The following LRRTM4 variants were observed in gnomAD, a reference collection of about 807,000 sequenced individuals.
LRRTM4 encodes the protein leucine rich repeat transmembrane neuronal 4.
A neutral mutation model predicts 47.6 loss-of-function variants in LRRTM4; 25 were observed. That is an observed-to-expected ratio of 0.53 (90% CI 0.38 to 0.73). LRRTM4 has a LOEUF of 0.73. Among genes scored for constraint, LRRTM4 ranks in the 30% least tolerant of loss-of-function variants. LRRTM4 has a pLI of 0.00. For missense variants in LRRTM4, 638 were observed against 713.4 expected (o/e 0.89, Z 1.20); for synonymous variants, 311 against 269.5 (o/e 1.15, Z -1.51).
chr2:76,979,027 T>C (rs146715300), intron 3 of LRRTM4, among the ~76,000 whole-genome samples: 175 of 152,160 alleles, frequency 1.2e-3, no homozygotes, highest in African/African-American at 4.2e-3. Flanking sequence ...AAAAGGACTT[T>C]GTTATTTTCC....
chr2:76,823,357 G>C (rs1671104823), intron 3 of LRRTM4, among the ~76,000 whole-genome samples: 1 of 151,318 alleles, frequency 6.6e-6, no homozygotes, highest in Non-Finnish European at 1.5e-5. Context: ...TAATCATGTA[G>C]AAATCATGAA....
intron 3 of LRRTM4, among the ~76,000 whole-genome samples, chr2:77,079,653 C>G (rs957212425): frequency 5.9e-5 from 9 of 152,126 alleles, no homozygotes; most frequent in African/African-American, 2.2e-4. Flanking sequence ...CTGCACATCT[C>G]AAATATTTAT....
chr2:77,117,135 T>C (rs1558588445), intron 3 of LRRTM4, among the ~76,000 whole-genome samples: 1 of 152,228 alleles, frequency 6.6e-6, no homozygotes, highest in East Asian at 1.9e-4. Context: ...CATAAGTTTA[T>C]TCCTTTTAAT....
intron 3 of LRRTM4, among the ~76,000 whole-genome samples, chr2:76,815,135 A>G (rs1670863628): frequency 6.6e-6 from 1 of 152,066 alleles, no homozygotes; most frequent in African/African-American, 2.4e-5. Context: ...GAAATAAATA[A>G]GAAAAGAAAT....
At chr2:77,472,518 C>CTT (rs553677902) in intron 3 of LRRTM4, among the ~76,000 whole-genome samples, 1 of 146,864 alleles carries the variant, frequency 6.8e-6, no homozygotes, top group African/African-American at 2.5e-5. Flanking sequence ...TGTGTGTGTT[C>CTT]TTTTTTTTTT....
At chr2:77,373,434 T>G (rs1672723067) in intron 3 of LRRTM4, among the ~76,000 whole-genome samples, 1 of 151,840 alleles carries the variant, frequency 6.6e-6, no homozygotes, top group South Asian at 2.1e-4. Context: ...GTACAAAACA[T>G]AGAATGGGGC....
intron 3 of LRRTM4, among the ~76,000 whole-genome samples, chr2:77,303,257 A>T (rs1297710428): frequency 6.6e-6 from 1 of 151,120 alleles, no homozygotes; most frequent in African/African-American, 2.5e-5. Flanking sequence ...GCGAAACTCC[A>T]TCTCAAAACA....
chr2:77,075,898 G>C (rs13430289), intron 3 of LRRTM4, among the ~76,000 whole-genome samples: 16,021 of 98,108 alleles, frequency 0.16, 1,679 homozygotes, highest in East Asian at 0.49. Flanking sequence ...CTGGGCGACA[G>C]AGCGAGACTC....
At chr2:76,939,987 T>A (rs1558750942) in intron 3 of LRRTM4, among the ~76,000 whole-genome samples, 1 of 152,026 alleles carries the variant, frequency 6.6e-6, no homozygotes, top group East Asian at 1.9e-4. Context: ...ATTCAAAAAA[T>A]AACAGATGCT....
At chr2:77,214,864 T>C (rs1674392455) in intron 3 of LRRTM4, among the ~76,000 whole-genome samples, 1 of 152,156 alleles carries the variant, frequency 6.6e-6, no homozygotes, top group South Asian at 2.1e-4. Context: ...GGCAGTTCTC[T>C]CATATTTATT....
At chr2:76,956,444 T>C (rs1190625402) in intron 3 of LRRTM4, among the ~76,000 whole-genome samples, 1 of 151,482 alleles carries the variant, frequency 6.6e-6, no homozygotes. Flanking sequence ...CCAAAACCTA[T>C]GGGATGTAGC....
intron 3 of LRRTM4, among the ~76,000 whole-genome samples, chr2:76,988,477 A>T (rs1427346363): frequency 6.6e-6 from 1 of 151,810 alleles, no homozygotes; most frequent in Non-Finnish European, 1.5e-5. Flanking sequence ...TCCAGTCTAC[A>T]CAAGAGTTTT....
chr2:76,763,449 C>T (rs1673335333), intron 3 of LRRTM4, among the ~76,000 whole-genome samples: 1 of 152,212 alleles, frequency 6.6e-6, no homozygotes. Flanking sequence ...TGTGAGCACA[C>T]AGTCTGTGGT....
chr2:77,279,293 A>G (rs1020153393), intron 3 of LRRTM4, among the ~76,000 whole-genome samples: 4 of 152,046 alleles, frequency 2.6e-5, no homozygotes, highest in Non-Finnish European at 4.4e-5. Flanking sequence ...CTTCTTTTTT[A>G]TCATGATGAT....
At chr2:77,165,841 C>G (rs1672868890) in intron 3 of LRRTM4, among the ~76,000 whole-genome samples, 1 of 152,132 alleles carries the variant, frequency 6.6e-6, no homozygotes, top group South Asian at 2.1e-4. Flanking sequence ...ATGACAAACC[C>G]ACAGCCAATA....
At chr2:76,974,184 A>G (rs1469191884) in intron 3 of LRRTM4, among the ~76,000 whole-genome samples, 1 of 100,582 alleles carries the variant, frequency 9.9e-6, no homozygotes, top group Non-Finnish European at 1.8e-5. Flanking sequence ...ATATATATAC[A>G]TACATATATA....
rs10202457 is a variant in LRRTM4, at chr2:77,060,958, A to G, written c.1552-312042T>C. Among the ~76,000 whole-genome samples, 1,113 of 152,280 alleles carry G rather than the reference A, an allele frequency of 7.3e-3. 10 individuals carry two copies. Among genetic ancestry groups the G allele is most frequent in the African/African-American group, 0.026 (1,064 of 41,560 alleles). On this transcript the variant is annotated intron_variant, in intron 3 of 3. Coordinates refer to ENST00000409884, the MANE Select transcript of LRRTM4 (RefSeq NM_001134745.3). ...CCAATTTAAGTACAGAATAAAAACAATAGCAAATTATAAAGTTATATCAGT... is the reference window on the plus strand; with the variant it reads ...CCAATTTAAGTACAGAATAAAAACAGTAGCAAATTATAAAGTTATATCAGT...
At chr2:76,918,288 A>C (rs1004124817) in intron 3 of LRRTM4, among the ~76,000 whole-genome samples, 1 of 152,216 alleles carries the variant, frequency 6.6e-6, no homozygotes, top group Non-Finnish European at 1.5e-5. Flanking sequence ...GTAGCAAATA[A>C]ATATCAAGTT....
Position 77,411,389 on chromosome 2 carries a change from T to C in LRRTM4, c.1551+106929A>G, listed in dbSNP as rs1674415054. On this transcript the variant is annotated intron_variant, in intron 3 of 3. Transcript: ENST00000409884. ...TCTTCGATTTCTTTCTTTCTTTCTC[T>C]CTTTCTTTCTTCTTTATTTCTCTCT... 2.0e-5 allele frequency among the ~76,000 whole-genome samples: 3 copies of C among 151,592 alleles called. No homozygotes were observed. The South Asian group carries it at 6.2e-4, about 32-fold the overall frequency.
Sources: gnomAD v4.1 joint callset for allele counts (sites outside exome capture counted in the v4.1 genomes callset) on GRCh38, gnomAD v4.1.1 for gene constraint, MANE v1.5 for transcripts, NCBI Gene and HGNC (gene_info 2026-07-23, HGNC 2026-07-21) for gene names.